The following CMIP variants were observed in gnomAD, a reference collection of about 807,000 sequenced individuals.
CMIP encodes C-Maf-inducing protein.
In CMIP, 13 loss-of-function variants were observed where a neutral mutation model predicts 97.3. The observed-to-expected ratio is 0.13, with a 90% CI of 0.09 to 0.21. The LOEUF is 0.21. Among genes scored for constraint, CMIP ranks in the 10% least tolerant of loss-of-function variants. CMIP has a pLI of 1.00. For synonymous variants in CMIP, 538 were observed against 436.3 expected (o/e 1.23, Z -2.91); for missense variants, 847 against 1,024.9 (o/e 0.83, Z 2.37).
At chr16:81,518,834 TA>T (rs567956373) in intron 1 of CMIP, 1 of 112,998 alleles carries the variant, frequency 8.8e-6, no homozygotes, top group Non-Finnish European at 1.8e-5. Context: ...CCTGCATCTC[TA>T]TTTTTTTTTT....
intron 1 of CMIP, among the ~76,000 whole-genome samples, chr16:81,488,925 G>A (rs914392879): frequency 1.1e-4 from 17 of 152,036 alleles, no homozygotes; most frequent in African/African-American, 3.6e-4. Flanking sequence ...TGGAAGAGAT[G>A]GCCTTTCAGA....
intron 1 of CMIP, among the ~76,000 whole-genome samples, chr16:81,606,186 C>A (rs115622643): frequency 1.3e-5 from 2 of 152,032 alleles, no homozygotes; most frequent in African/African-American, 2.4e-5. Context: ...GTCAGATGGC[C>A]GAGTTCAGTC....
At chr16:81,653,215 G>C (rs1037990615) in intron 4 of CMIP, among the ~76,000 whole-genome samples, 13 of 152,198 alleles carry the variant, frequency 8.5e-5, no homozygotes, top group African/African-American at 3.1e-4. Context: ...CCAGACTGAT[G>C]CTTCTGTCCC....
intron 1 of CMIP, among the ~76,000 whole-genome samples, chr16:81,482,868 G>A (rs1174832937): frequency 1.3e-5 from 2 of 152,226 alleles, no homozygotes; most frequent in African/African-American, 4.8e-5. Flanking sequence ...TGGGGTCAGC[G>A]AGGCAGGTCA....
chr16:81,493,600 A>T (rs897263764), intron 1 of CMIP, among the ~76,000 whole-genome samples: 1 of 152,226 alleles, frequency 6.6e-6, no homozygotes, highest in East Asian at 1.9e-4. Context: ...GCCTTGTTGA[A>T]TCTTCCGGCA....
intron 1 of CMIP, among the ~76,000 whole-genome samples, chr16:81,505,037 A>G (rs1223146202): frequency 6.6e-6 from 1 of 152,216 alleles, no homozygotes; most frequent in African/African-American, 2.4e-5. Flanking sequence ...TGCTCAACAC[A>G]CCTGAGGTTT....
intron 1 of CMIP, among the ~76,000 whole-genome samples, chr16:81,481,579 T>G (rs2089223735): frequency 6.6e-6 from 1 of 152,190 alleles, no homozygotes; most frequent in Non-Finnish European, 1.5e-5. Context: ...GGGTGCTGTT[T>G]CAACTGAGGT....
intron 7 of CMIP, chr16:81,664,608 C>T (rs147294192): frequency 1.0e-5 from 6 of 585,436 alleles, no homozygotes; most frequent in South Asian, 8.8e-5. Flanking sequence ...AGGAAAGCCT[C>T]CCGGGAAGAA....
At chr16:81,703,530 GAC>G (rs1016797078) in intron 17 of CMIP, among the ~76,000 whole-genome samples, 2 of 151,632 alleles carry the variant, frequency 1.3e-5, no homozygotes, top group African/African-American at 4.9e-5. Flanking sequence ...GACGTGCACA[GAC>G]ACACACATGT....
chr16:81,698,348 A>G (rs1256795870), intron 14 of CMIP, among the ~76,000 whole-genome samples: 2 of 152,136 alleles, frequency 1.3e-5, no homozygotes, highest in Admixed American at 6.5e-5. Context: ...AGAACAAAAG[A>G]CCGCCCAACA....
intron 3 of CMIP, among the ~76,000 whole-genome samples, chr16:81,625,039 A>G (rs542048526): frequency 6.6e-6 from 1 of 152,300 alleles, no homozygotes; most frequent in Non-Finnish European, 1.5e-5. Flanking sequence ...GGGAAACCTG[A>G]GTGTAGAGAG....
At chr16:81,669,965 T>C (rs2092666001) in intron 7 of CMIP, among the ~76,000 whole-genome samples, 177 bp from the exon 8 acceptor site, 1 of 152,248 alleles carries the variant, frequency 6.6e-6, no homozygotes, top group African/African-American at 2.4e-5. Flanking sequence ...GTCGCAGTGC[T>C]ATTCTTTGAA....
At chr16:81,465,366 G>T (rs115010709) in intron 1 of CMIP, among the ~76,000 whole-genome samples, 177 of 152,296 alleles carry the variant, frequency 1.2e-3, no homozygotes, top group African/African-American at 3.9e-3. Context: ...GGAGGGAGGG[G>T]ATGCCAGCTG....
At chr16:81,632,062 A>G (rs1275663246) in intron 3 of CMIP, 2 of 152,158 alleles carry the variant, frequency 1.3e-5, no homozygotes, top group Non-Finnish European at 2.9e-5. Flanking sequence ...TATTACCTAC[A>G]TGTGACAAAA....
At chr16:81,642,271 G>C (rs1489952419) in intron 3 of CMIP, among the ~76,000 whole-genome samples, 2 of 152,194 alleles carry the variant, frequency 1.3e-5, no homozygotes, top group Non-Finnish European at 2.9e-5. Context: ...CTGGGAGTGT[G>C]CAGGGGCTGG....
At chr16:81,674,505 G>A (rs973263070) in intron 9 of CMIP, among the ~76,000 whole-genome samples, 1 of 152,192 alleles carries the variant, frequency 6.6e-6, no homozygotes, top group African/African-American at 2.4e-5. Context: ...TCCCTTCCCA[G>A]TTCTGTAATG....
At chr16:81,459,037 C>T (rs1346564111) in intron 1 of CMIP, among the ~76,000 whole-genome samples, 2 of 143,156 alleles carry the variant, frequency 1.4e-5, no homozygotes, top group Non-Finnish European at 1.6e-5. Context: ...TCACCATCAC[C>T]ATCACCATCA....
rs1567519269 is a variant in CMIP, at chr16:81,445,319, CGT to C, written c.81_82del (p.Ser28GlyfsTer87). ...AGACCAAGCCGCTGCTGGGGGGCGA[CGT>C]GTCGGCCCCCGAAGGCACGAAGATG... ...EETKPLLGGD[V>X]SAPEGTKMGA... is the part of the protein sequence containing the mutation. On this transcript the variant is annotated frameshift_variant, in exon 1 of 21. Transcript: ENST00000537098. LOFTEE classifies it high-confidence loss of function. 10 of 1,579,798 alleles carry C rather than the reference CGT, an allele frequency of 6.3e-6. No homozygotes were observed. Among genetic ancestry groups the C allele is most frequent in the Non-Finnish European group, 8.6e-6 (10 of 1,164,370 alleles).
chr16:81,585,169 C>G (rs569619311), intron 1 of CMIP, among the ~76,000 whole-genome samples: 6 of 152,166 alleles, frequency 3.9e-5, no homozygotes, highest in South Asian at 4.2e-4. Context: ...TGGCAAAACC[C>G]TGTCTCTACT....
Sources: allele counts gnomAD v4.1 joint callset (sites outside exome capture counted in the v4.1 genomes callset), GRCh38; gene constraint gnomAD v4.1.1; transcripts MANE v1.5; gene names NCBI Gene and HGNC (gene_info 2026-07-23, HGNC 2026-07-21).